LRRTM4: variants seen among roughly 807,000 people sequenced by gnomAD.
LRRTM4 encodes the protein leucine rich repeat transmembrane neuronal 4.
LRRTM4 carries 25 observed loss-of-function variants against 47.6 expected under a neutral mutation model. The ratio of observed to expected loss-of-function variants is 0.53; its 90% CI spans 0.38 to 0.73. LRRTM4 has a LOEUF of 0.73. LRRTM4 is among the 30% of genes least tolerant of loss of function. The pLI, the probability that LRRTM4 is intolerant of heterozygous loss-of-function variation, is 0.00. For missense variants in LRRTM4, 638 were observed against 713.4 expected, an observed-to-expected ratio of 0.89 and a Z score of 1.20; for synonymous variants, 311 against 269.5, an observed-to-expected ratio of 1.15 and a Z score of -1.51.
At chr2:77,445,262 C>G (rs950911019) in intron 3 of LRRTM4, among the ~76,000 whole-genome samples, 5 of 151,802 alleles carry the variant, frequency 3.3e-5, no homozygotes, top group Admixed American at 1.3e-4. Flanking sequence ...GTATACTTAC[C>G]TCCCAGAGTT....
At chr2:77,210,628 G>C (rs908043578) in intron 3 of LRRTM4, among the ~76,000 whole-genome samples, 1 of 151,852 alleles carries the variant, frequency 6.6e-6, no homozygotes. Flanking sequence ...CAGCTGATTC[G>C]TGGTGGAAAT....
chr2:76,805,688 T>A lies in LRRTM4; in HGVS notation c.1552-56772A>T, dbSNP rs143801480. Among the ~76,000 whole-genome samples the A allele has an allele frequency of 1.2e-3, 179 of 152,314 alleles. 1 individual carries two copies. The highest frequency in any genetic ancestry group is 6.8e-3 in the Middle Eastern group (2 of 294). On this transcript the variant is annotated intron_variant, in intron 3 of 3. Coordinates refer to ENST00000409884, the MANE Select transcript of LRRTM4 (RefSeq NM_001134745.3). ...AAACCAGAGTTGAGATTTAAGATACTAATGACGCATACCATGTATGAAGCA... is the reference window on the plus strand; with the variant it reads ...AAACCAGAGTTGAGATTTAAGATACAAATGACGCATACCATGTATGAAGCA...
At chr2:77,494,906 ACT>A (rs1489391704) in intron 3 of LRRTM4, among the ~76,000 whole-genome samples, 4 of 151,870 alleles carry the variant, frequency 2.6e-5, no homozygotes, top group African/African-American at 9.7e-5. Context: ...TACAGAAAAT[ACT>A]CTGTTTTGAT....
In LRRTM4 at chr2:76,789,568, A is replaced by T. The variant is rs111890948; in HGVS notation, c.1552-40652T>A. Among the ~76,000 whole-genome samples, 851 of 152,318 alleles carry T rather than the reference A, an allele frequency of 5.6e-3. 5 individuals are homozygous for T. The highest frequency in any genetic ancestry group is 0.019 in the African/African-American group (775 of 41,580). On this transcript the variant is annotated intron_variant, in intron 3 of 3. Coordinates refer to ENST00000409884, the MANE Select transcript of LRRTM4 (RefSeq NM_001134745.3). ...TGTGGCACCAGCCACATACCTTTTT[A>T]TAATAGGTTGTATTTGTTTGTTTGT...
intron 3 of LRRTM4, among the ~76,000 whole-genome samples, chr2:76,982,501 C>A (rs1275892423): frequency 6.6e-6 from 1 of 151,926 alleles, no homozygotes; most frequent in Non-Finnish European, 1.5e-5. Flanking sequence ...TAATTCTTTG[C>A]AATTTTTTTG....
intron 3 of LRRTM4, among the ~76,000 whole-genome samples, chr2:76,796,245 T>C (rs1277755991): frequency 0.049 from 5,341 of 110,048 alleles, 470 homozygotes; most frequent in African/African-American, 0.17. Flanking sequence ...GGGGGAGGGG[T>C]GCCCGCCATT....
intron 3 of LRRTM4, among the ~76,000 whole-genome samples, chr2:77,491,764 G>C (rs993673712): frequency 1.3e-5 from 2 of 151,686 alleles, no homozygotes; most frequent in Non-Finnish European, 2.9e-5. Flanking sequence ...TCAGGCAGTG[G>C]GAATGAAATT....
chr2:77,084,005 C>G (rs997421065), intron 3 of LRRTM4, among the ~76,000 whole-genome samples: 2 of 151,600 alleles, frequency 1.3e-5, no homozygotes, highest in African/African-American at 2.4e-5. Flanking sequence ...CGGGGTTTCA[C>G]CATGTTAGCA....
At chr2:76,910,463 T>A (rs1055876894) in intron 3 of LRRTM4, among the ~76,000 whole-genome samples, 1 of 152,046 alleles carries the variant, frequency 6.6e-6, no homozygotes, top group Non-Finnish European at 1.5e-5. Context: ...AACCTGCACA[T>A]TGTGCACATG....
intron 3 of LRRTM4, among the ~76,000 whole-genome samples, chr2:76,761,145 G>C (rs1320570998): frequency 6.6e-6 from 1 of 152,172 alleles, no homozygotes; most frequent in African/African-American, 2.4e-5. Context: ...GGCCCAGCAG[G>C]GCGTACACAG....
Position 77,356,846 on chromosome 2 carries a change from G to A in LRRTM4, c.1551+161472C>T, listed in dbSNP as rs116436175. Among the ~76,000 whole-genome samples, 653 of 152,184 alleles carry A rather than the reference G, an allele frequency of 4.3e-3. 3 individuals are homozygous for A. Among genetic ancestry groups the A allele is most frequent in the African/African-American group, 0.015 (616 of 41,536 alleles). On this transcript the variant is annotated intron_variant, in intron 3 of 3. Coordinates refer to ENST00000409884, the MANE Select transcript of LRRTM4 (RefSeq NM_001134745.3). ...TTTTCCTATATGCACACAAGGGTGC[G>A]TGCTATGTTCTAGTTACTAAAATTG...
intron 3 of LRRTM4, among the ~76,000 whole-genome samples, chr2:77,081,018 T>G (rs765385160): frequency 1.3e-5 from 2 of 152,324 alleles, no homozygotes; most frequent in African/African-American, 2.4e-5. Context: ...TCAATTATTT[T>G]CTTGCTTTAA....
chr2:76,807,383 T>TCCC, intron 3 of LRRTM4, among the ~76,000 whole-genome samples: 1 of 52,990 alleles, frequency 1.9e-5, no homozygotes, highest in African/African-American at 6.0e-5. Flanking sequence ...ACATTCATTT[T>TCCC]ATATATATAT....
chr2:77,333,245 G>T (rs978226099), intron 3 of LRRTM4, among the ~76,000 whole-genome samples: 2 of 152,166 alleles, frequency 1.3e-5, no homozygotes, highest in Admixed American at 6.6e-5. Context: ...GATACCAGGA[G>T]TGGGGTTCTT....
chr2:77,466,126 C>A (rs188071764), intron 3 of LRRTM4, among the ~76,000 whole-genome samples: 10 of 152,142 alleles, frequency 6.6e-5, no homozygotes, highest in African/African-American at 2.4e-4. Context: ...TTCTTAGAAA[C>A]AATAGAATTA....
chr2:77,147,309 G>T (rs191323851), intron 3 of LRRTM4, among the ~76,000 whole-genome samples: 1 of 152,168 alleles, frequency 6.6e-6, no homozygotes, highest in African/African-American at 2.4e-5. Context: ...GGACTCATGA[G>T]TGTATCAAAT....
chr2:76,995,648 C>T (rs374042458), intron 3 of LRRTM4, among the ~76,000 whole-genome samples: 4 of 152,070 alleles, frequency 2.6e-5, no homozygotes, highest in African/African-American at 7.2e-5. Context: ...AGTGTTGCTA[C>T]CTAGGAAAGC....
chr2:77,053,767 GA>G (rs1679515354), intron 3 of LRRTM4, among the ~76,000 whole-genome samples: 2 of 151,952 alleles, frequency 1.3e-5, no homozygotes. Flanking sequence ...AAAAGTAAGG[GA>G]AAATTAAATT....
intron 3 of LRRTM4, among the ~76,000 whole-genome samples, chr2:77,279,690 A>G (rs887680916): frequency 2.0e-5 from 3 of 151,976 alleles, no homozygotes; most frequent in African/African-American, 7.2e-5. Flanking sequence ...TTAAATGTAT[A>G]AAAATTAGAC....
Sources: allele counts gnomAD v4.1 joint callset (sites outside exome capture counted in the v4.1 genomes callset), GRCh38; gene constraint gnomAD v4.1.1; transcripts MANE v1.5; gene names NCBI Gene and HGNC (gene_info 2026-07-23, HGNC 2026-07-21).